The following MYT1L variants were observed in gnomAD, a reference collection of about 807,000 sequenced individuals.
MYT1L encodes myelin transcription factor 1-like protein.
Under a neutral mutation model 126.7 loss-of-function variants are expected in MYT1L, and 12 were observed. The ratio of observed to expected loss-of-function variants is 0.09; its 90% CI spans 0.06 to 0.15. The LOEUF (loss-of-function observed/expected upper bound fraction) is 0.15, where lower values mean the gene tolerates loss of function less well. MYT1L is among the 10% of genes least tolerant of loss of function. MYT1L has a pLI of 1.00. For missense variants in MYT1L, 979 were observed against 1,585.2 expected (o/e 0.62, Z 6.49); for synonymous variants, 541 against 604.2 (o/e 0.90, Z 1.53).
chr2:2,117,181 C>T (rs766838963), intron 3 of MYT1L, among the ~76,000 whole-genome samples: 3 of 152,052 alleles, frequency 2.0e-5, no homozygotes, highest in Non-Finnish European at 4.4e-5. Flanking sequence ...TTTGTTTTCC[C>T]GTCATTGATG....
At chr2:2,304,690 G>A (rs1426221134) in intron 1 of MYT1L, among the ~76,000 whole-genome samples, 1 of 152,162 alleles carries the variant, frequency 6.6e-6, no homozygotes, top group African/African-American at 2.4e-5. Context: ...ACACACAAAT[G>A]AATGGCCATG....
At chr2:1,978,279 G>T (rs556555688) in intron 8 of MYT1L, among the ~76,000 whole-genome samples, 2 of 152,316 alleles carry the variant, frequency 1.3e-5, no homozygotes, top group South Asian at 4.1e-4. Context: ...TTGTGACCTG[G>T]GTCTGCTCAC....
chr2:2,075,719 A>G (rs1009959381), intron 3 of MYT1L, among the ~76,000 whole-genome samples: 2 of 152,270 alleles, frequency 1.3e-5, no homozygotes, highest in Non-Finnish European at 2.9e-5. Context: ...AATCTGGAGC[A>G]TTAAAAAAGC....
intron 3 of MYT1L, among the ~76,000 whole-genome samples, chr2:2,133,069 C>A (rs543914163): frequency 2.0e-5 from 3 of 152,042 alleles, no homozygotes; most frequent in African/African-American, 7.2e-5. Flanking sequence ...CTGTACACAC[C>A]GTCTTCTTTG....
rs773100111 is a variant in MYT1L at position 1,912,952 on chromosome 2, C to G, written c.1619-842G>C. On this transcript the variant is annotated intron_variant, in intron 11 of 24. Transcript: ENST00000647738. This position sits in a 1 kb window ranked among gnomAD's most constrained non-coding sequence, Gnocchi z 4.3. ...TAGCAGGGACGAAGGGACCCCCACACGGACCCTGTCTGCATCATGCTCTGC... is the reference window on the plus strand; with the variant it reads ...TAGCAGGGACGAAGGGACCCCCACAGGGACCCTGTCTGCATCATGCTCTGC... 1.3e-5 allele frequency among the ~76,000 whole-genome samples: 2 copies of G among 152,166 alleles called. No homozygotes were observed. The highest frequency in any genetic ancestry group is 4.8e-5 in the African/African-American group (2 of 41,436).
At chr2:1,870,103 A>T (rs758257574) in intron 18 of MYT1L, among the ~76,000 whole-genome samples, 9 of 152,164 alleles carry the variant, frequency 5.9e-5, no homozygotes, top group African/African-American at 2.4e-5. Context: ...GTCAGTTCTG[A>T]TGGTGACTCA....
intron 18 of MYT1L, among the ~76,000 whole-genome samples, chr2:1,875,083 A>G (rs78147874): frequency 0.013 from 1,897 of 151,606 alleles, 45 homozygotes; most frequent in African/African-American, 0.042. Flanking sequence ...AACAATGGGC[A>G]ACATGTGCTG....
At chr2:2,246,818 G>C (rs1438651653) in intron 2 of MYT1L, among the ~76,000 whole-genome samples, 1 of 152,172 alleles carries the variant, frequency 6.6e-6, no homozygotes, top group East Asian at 1.9e-4. Flanking sequence ...CTTAGCTTTT[G>C]CCAATTAAAT....
Position 1,840,708 on chromosome 2 carries a change from C to T in MYT1L, c.2858+52G>A, listed in dbSNP as rs374359113. On this transcript the variant is annotated intron_variant, in intron 20 of 24. Transcript: ENST00000647738. Reference sequence around the variant, plus strand: ...ATATACTTGCTTTGCTTGAATGCCTCGTCCCCACATGGCAGCCCTGCTATG... The same window carrying T: ...ATATACTTGCTTTGCTTGAATGCCTTGTCCCCACATGGCAGCCCTGCTATG... The T allele has an allele frequency of 1.6e-5, 21 of 1,317,012 alleles. No individual in the cohort carries two copies. The African/African-American group carries it at 2.1e-4, about 13-fold the overall frequency. The allele number at this position is 1,317,012 out of a possible 1,614,324, so 81.6% of individuals were successfully genotyped here.
rs537989363 is a variant in MYT1L, at chr2:2,160,125, A to G, written c.-304+12747T>C. Reference sequence around the variant, plus strand: ...ACGAGGTAATACATGTGCCTCTCACATAGCACATGACGATCTTCCACACTC... The same window carrying G: ...ACGAGGTAATACATGTGCCTCTCACGTAGCACATGACGATCTTCCACACTC... On this transcript the variant is annotated intron_variant, in intron 3 of 24. Coordinates refer to ENST00000647738, the MANE Select transcript of MYT1L (RefSeq NM_001303052.2). Among the ~76,000 whole-genome samples, 157 of 152,304 alleles carry G rather than the reference A, an allele frequency of 1.0e-3. 1 individual carries two copies. The highest frequency in any genetic ancestry group is 3.6e-3 in the African/African-American group (150 of 41,572).
intron 18 of MYT1L, among the ~76,000 whole-genome samples, chr2:1,857,927 A>T (rs1240464600): frequency 6.6e-6 from 1 of 151,898 alleles, no homozygotes; most frequent in Non-Finnish European, 1.5e-5. Context: ...CAGTGGTGCA[A>T]TCTCGGCTCA....
In MYT1L at chr2:2,112,625, C is replaced by T. The variant is rs180953515; in HGVS notation, c.-303-58502G>A. Among the ~76,000 whole-genome samples, 10 of 152,230 alleles carry T rather than the reference C, an allele frequency of 6.6e-5. No individual in the cohort carries two copies. The East Asian group carries it at 1.7e-3, about 26-fold the overall frequency. On this transcript the variant is annotated intron_variant, in intron 3 of 24. Coordinates refer to ENST00000647738, the MANE Select transcript of MYT1L (RefSeq NM_001303052.2). Reference sequence around the variant, plus strand: ...ATACAATGCAGTTTCTGGGGAAAGGCCTGGCTTCTGTGTTTTTATCAGCAC... The same window carrying T: ...ATACAATGCAGTTTCTGGGGAAAGGTCTGGCTTCTGTGTTTTTATCAGCAC...
At chr2:2,007,322 C>T (rs764548385) in intron 4 of MYT1L, among the ~76,000 whole-genome samples, 3 of 142,492 alleles carry the variant, frequency 2.1e-5, no homozygotes, top group Non-Finnish European at 4.9e-5. Flanking sequence ...CCTCACCAAC[C>T]CTTGCTATCT....
intron 14 of MYT1L, among the ~76,000 whole-genome samples, chr2:1,899,673 T>C (rs2050081563): frequency 6.6e-6 from 1 of 152,258 alleles, no homozygotes. Flanking sequence ...TCCCTACTTT[T>C]GCATGATTTC....
chr2:2,073,899 C>G (rs2074918316), intron 3 of MYT1L, among the ~76,000 whole-genome samples: 1 of 152,176 alleles, frequency 6.6e-6, no homozygotes, highest in Non-Finnish European at 1.5e-5. Context: ...TCAGCTCTTG[C>G]TTTTCTCCAC....
chr2:2,004,161 G>A, intron 4 of MYT1L, among the ~76,000 whole-genome samples: 1 of 149,636 alleles, frequency 6.7e-6, no homozygotes, highest in East Asian at 2.0e-4. Context: ...TTTCCTGTGT[G>A]CCTTCTTTCC....
intron 1 of MYT1L, chr2:2,324,957 A>G (rs1267581137): frequency 6.6e-6 from 1 of 152,348 alleles, no homozygotes; most frequent in Non-Finnish European, 1.5e-5. Context: ...TGTGTGCAGT[A>G]TGCTGCTTGC....
At chr2:2,293,283 C>T (rs188753651) in intron 1 of MYT1L, among the ~76,000 whole-genome samples, 1 of 152,236 alleles carries the variant, frequency 6.6e-6, no homozygotes, top group Non-Finnish European at 1.5e-5. Flanking sequence ...AAAGAAAATG[C>T]CTGTGTATTC....
chr2:2,194,861 C>A (rs566043959), intron 2 of MYT1L, among the ~76,000 whole-genome samples: 2 of 152,318 alleles, frequency 1.3e-5, no homozygotes, highest in South Asian at 4.1e-4. Context: ...ATTATTGTCA[C>A]TTTGCTAATA....
Sources: gnomAD v4.1 joint callset for allele counts (sites outside exome capture counted in the v4.1 genomes callset) on GRCh38, gnomAD v4.1.1 for gene constraint, Gnocchi (gnomAD v3.1) non-coding constraint, MANE v1.5 for transcripts, NCBI Gene and HGNC (gene_info 2026-07-23, HGNC 2026-07-21) for gene names.